CNTNAP3B: variants seen among roughly 807,000 people sequenced by gnomAD.
CNTNAP3B encodes contactin-associated protein-like 3B.
CNTNAP3B carries 25 observed loss-of-function variants against 108.9 expected under a neutral mutation model. The ratio of observed to expected loss-of-function variants is 0.23; its 90% confidence interval spans 0.17 to 0.32. CNTNAP3B has a LOEUF of 0.32. Ranked by LOEUF, CNTNAP3B falls within the 10% of genes least tolerant of loss-of-function variation. The pLI is 1.00. For missense variants in CNTNAP3B, 252 were observed against 1,210.4 expected (o/e 0.21, Z 11.75); for synonymous variants, 103 against 473.4 (o/e 0.22, Z 10.16).
At chr9:41,963,009 C>T (rs1266910286) in intron 11 of CNTNAP3B, among the ~76,000 whole-genome samples, 8 of 152,134 alleles carry the variant, frequency 5.3e-5, no homozygotes. Flanking sequence ...GCTTTATAAA[C>T]AGGGACCCTT....
intron 3 of CNTNAP3B, among the ~76,000 whole-genome samples, chr9:42,034,231 T>C (rs573313325): frequency 7.4e-6 from 1 of 134,770 alleles, no homozygotes; most frequent in East Asian, 2.3e-4. Context: ...CTATACATAA[T>C]AACTCTCCTT....
rs189150501 is a variant in CNTNAP3B, at chr9:42,006,078, G to T, written c.538+7300C>A. Among the ~76,000 whole-genome samples the T allele has an allele frequency of 5.0e-5, 2 of 40,036 alleles. 1 individual carries two copies. The highest frequency in any genetic ancestry group is 1.3e-4 in the Non-Finnish European group (2 of 15,834). The allele number at this position is 40,036 out of a possible 152,430, so 26.3% of individuals were successfully genotyped here. A position where few individuals can be genotyped will look rare whatever the true frequency, so the allele number is the denominator to read the frequency against. ...ACTCCAGATATAAGATATCAACTAG[G>T]TCTCATGGGGACTGAGACGCTGCAC... On this transcript the variant is annotated intron_variant, in intron 4 of 23. Transcript: ENST00000377561.
intron 3 of CNTNAP3B, among the ~76,000 whole-genome samples, chr9:42,070,430 C>G (rs1325415926): frequency 6.7e-6 from 1 of 149,016 alleles, no homozygotes; most frequent in Non-Finnish European, 1.5e-5. Flanking sequence ...ACAGGTGCAG[C>G]TGTTTGGGCT....
At chr9:41,931,535 C>A (rs1472902458) in intron 14 of CNTNAP3B, among the ~76,000 whole-genome samples, 3 of 152,014 alleles carry the variant, frequency 2.0e-5, no homozygotes, top group African/African-American at 7.3e-5. Flanking sequence ...AAGATTATTC[C>A]CTGAAAAAAT....
intron 9 of CNTNAP3B, chr9:41,974,987 T>A (rs1392616781): frequency 4.8e-6 from 1 of 207,272 alleles, no homozygotes; most frequent in Admixed American, 6.7e-5. Context: ...AAGCAGCCAT[T>A]CCTCCCCCAG....
chr9:41,966,760 G>C (rs1825290530), intron 10 of CNTNAP3B, among the ~76,000 whole-genome samples: 1 of 152,116 alleles, frequency 6.6e-6, no homozygotes, highest in Non-Finnish European at 1.5e-5. Flanking sequence ...GAGGTCAGGA[G>C]ATCGAGACCA....
chr9:42,118,611 T>A (rs1828378753), intron 1 of CNTNAP3B, among the ~76,000 whole-genome samples: 1 of 119,066 alleles, frequency 8.4e-6, no homozygotes, highest in Non-Finnish European at 1.7e-5. Flanking sequence ...CTTTGAAAAC[T>A]GGCACAAGAC....
chr9:41,944,101 CTAAATAG>C (rs1368086658), intron 13 of CNTNAP3B, among the ~76,000 whole-genome samples: 1 of 149,462 alleles, frequency 6.7e-6, no homozygotes. Context: ...TAAAATTATC[CTAAATAG>C]TAAAGTAGAA....
intron 2 of CNTNAP3B, among the ~76,000 whole-genome samples, chr9:42,088,550 C>T (rs1466625598): frequency 7.2e-6 from 1 of 139,138 alleles, no homozygotes; most frequent in African/African-American, 2.9e-5. Flanking sequence ...TCTTTAAAAT[C>T]TACATATTTC....
intron 13 of CNTNAP3B, among the ~76,000 whole-genome samples, chr9:41,943,289 A>T (rs1587128898): frequency 2.0e-5 from 3 of 152,378 alleles, no homozygotes. Context: ...TTTCCATTAA[A>T]CACAAAGAGA....
intron 12 of CNTNAP3B, among the ~76,000 whole-genome samples, chr9:41,959,716 T>C (rs1693074): frequency 2.0e-5 from 3 of 150,070 alleles, no homozygotes; most frequent in African/African-American, 7.6e-5. Flanking sequence ...AGTTTTACTA[T>C]TTTTTGACAA....
rs1196397157 is a variant in CNTNAP3B, at chr9:42,120,721, G to T, written c.85+8289C>A. 2.3e-5 allele frequency among the ~76,000 whole-genome samples: 3 copies of T among 131,126 alleles called. 1 individual carries two copies. Among genetic ancestry groups the T allele is most frequent in the Non-Finnish European group, 4.7e-5 (3 of 63,258 alleles). 86.0% of individuals were successfully genotyped at this position (131,126 alleles called of 152,430 possible). A position where few individuals can be genotyped will look rare whatever the true frequency, so the allele number is the denominator to read the frequency against. On this transcript the variant is annotated intron_variant, in intron 1 of 23. Transcript: ENST00000377561. ...ATCATTCTCAGCAAACTATTGCAAGGACAAAAAACCAAACACCGCATGTTC... is the reference window on the plus strand; with the variant it reads ...ATCATTCTCAGCAAACTATTGCAAGTACAAAAAACCAAACACCGCATGTTC...
chr9:42,086,490 C>T (rs1349925229), intron 2 of CNTNAP3B, among the ~76,000 whole-genome samples: 1 of 138,062 alleles, frequency 7.2e-6, no homozygotes, highest in Non-Finnish European at 1.5e-5. Flanking sequence ...CTCTGTTGCC[C>T]AGGCCAAGAT....
At chr9:41,934,100 C>CATATATATATATATATATAT (rs1186532915) in intron 14 of CNTNAP3B, among the ~76,000 whole-genome samples, 5,232 of 86,880 alleles carry the variant, frequency 0.06, 86 homozygotes, top group East Asian at 0.073. Flanking sequence ...ATATTTGTTA[C>CATATATATATATATATATAT]ATATATATAT....
chr9:42,119,242 G>A (rs1828400497), intron 1 of CNTNAP3B, among the ~76,000 whole-genome samples: 1 of 120,190 alleles, frequency 8.3e-6, no homozygotes, highest in Non-Finnish European at 1.7e-5. Context: ...GCTTCAAAGA[G>A]GATAAAATAC....
Position 42,002,879 on chromosome 9 carries a change from T to A in CNTNAP3B, c.539-4275A>T, listed in dbSNP as rs563992413. Among the ~76,000 whole-genome samples the A allele has an allele frequency of 6.8e-5, 9 of 133,204 alleles. 1 individual carries two copies. The East Asian group carries it at 2.1e-3, about 31-fold the overall frequency. 87.4% of individuals were successfully genotyped at this position (133,204 alleles called of 152,430 possible). A position where few individuals can be genotyped will look rare whatever the true frequency, so the allele number is the denominator to read the frequency against. ...TTTCCTTTATTTCCTTACGCCATATTTTATCTTCACATTTTACTTTTATTA... is the reference window on the plus strand; with the variant it reads ...TTTCCTTTATTTCCTTACGCCATATATTATCTTCACATTTTACTTTTATTA... On this transcript the variant is annotated intron_variant, in intron 4 of 23. Coordinates refer to ENST00000377561, the MANE Select transcript of CNTNAP3B (RefSeq NM_001201380.3).
chr9:41,966,255 C>A (rs1587157432), intron 10 of CNTNAP3B, among the ~76,000 whole-genome samples: 1 of 152,288 alleles, frequency 6.6e-6, no homozygotes, highest in Non-Finnish European at 1.5e-5. Flanking sequence ...GAAGATTCCA[C>A]AAATTTTAAA....
intron 10 of CNTNAP3B, among the ~76,000 whole-genome samples, chr9:41,966,896 G>A (rs1825295374): frequency 6.7e-6 from 1 of 150,124 alleles, no homozygotes; most frequent in South Asian, 2.1e-4. Context: ...GAACCCAGGA[G>A]GCGGAGCTTG....
chr9:42,088,719 T>C (rs1827755618), intron 2 of CNTNAP3B, among the ~76,000 whole-genome samples: 1 of 136,822 alleles, frequency 7.3e-6, no homozygotes, highest in Admixed American at 7.3e-5. Context: ...ACTTACTAAT[T>C]CTAAGAACTA....
Sources: gnomAD v4.1 joint callset for allele counts (sites outside exome capture counted in the v4.1 genomes callset) on GRCh38, gnomAD v4.1.1 for gene constraint, MANE v1.5 for transcripts, NCBI Gene and HGNC (gene_info 2026-07-23, HGNC 2026-07-21) for gene names.